Variants in DPP10 observed in about 807,000 individuals in gnomAD.
The protein encoded by DPP10 is inactive dipeptidyl peptidase 10.
DPP10 carries 33 observed loss-of-function variants against 120.9 expected under a neutral mutation model. The ratio of observed to expected loss-of-function variants is 0.27; its 90% CI spans 0.21 to 0.37. The LOEUF (loss-of-function observed/expected upper bound fraction) is 0.37, where lower values mean the gene tolerates loss of function less well. DPP10 is among the 10% of genes least tolerant of loss of function. DPP10 has a pLI of 1.00. For missense variants in DPP10, 816 were observed against 942.8 expected (o/e 0.87, Z 1.76); for synonymous variants, 337 against 326.1 (o/e 1.03, Z -0.36).
intron 1 of DPP10, among the ~76,000 whole-genome samples, chr2:114,620,456 G>T (rs1038342585): frequency 2.6e-5 from 4 of 151,776 alleles, no homozygotes; most frequent in Non-Finnish European, 5.9e-5. Flanking sequence ...TAATTTTAAT[G>T]GACTGACATT....
intron 3 of DPP10, among the ~76,000 whole-genome samples, chr2:115,345,755 C>A (rs563608216): frequency 6.6e-6 from 1 of 152,238 alleles, no homozygotes; most frequent in Admixed American, 6.5e-5. Flanking sequence ...TAGTGAACTG[C>A]ATGCTAAATT....
chr2:114,771,393 C>A (rs1681233784), intron 1 of DPP10, among the ~76,000 whole-genome samples: 2 of 152,172 alleles, frequency 1.3e-5, no homozygotes, highest in Non-Finnish European at 2.9e-5. Flanking sequence ...ACCTGAACAT[C>A]CCTCGTTGTT....
At chr2:115,445,918 C>G (rs1369074778) in intron 3 of DPP10, among the ~76,000 whole-genome samples, 1 of 152,166 alleles carries the variant, frequency 6.6e-6, no homozygotes, top group Non-Finnish European at 1.5e-5. Context: ...GGCCCAGGAC[C>G]CCACTGCTCT....
chr2:114,511,469 G>C (rs933418737), intron 1 of DPP10, among the ~76,000 whole-genome samples: 1 of 152,112 alleles, frequency 6.6e-6, no homozygotes, highest in Non-Finnish European at 1.5e-5. Flanking sequence ...ATTTAAAAAC[G>C]GTTGGAAAGA....
intron 1 of DPP10, among the ~76,000 whole-genome samples, chr2:115,094,270 C>T (rs1170436658): frequency 6.6e-6 from 1 of 152,024 alleles, no homozygotes. Context: ...AGCAGCTGAC[C>T]TTTATTGTTA....
chr2:114,831,010 A>G (rs1687052111), intron 1 of DPP10, among the ~76,000 whole-genome samples: 2 of 142,826 alleles, frequency 1.4e-5, no homozygotes, highest in Non-Finnish European at 3.0e-5. Context: ...ATATTTAAAC[A>G]TCCATGCAAA....
At chr2:115,205,176 T>A (rs551239279) in intron 1 of DPP10, among the ~76,000 whole-genome samples, 1 of 152,200 alleles carries the variant, frequency 6.6e-6, no homozygotes, top group African/African-American at 2.4e-5. Context: ...AAGGCCAATG[T>A]CCAGAAGGGT....
chr2:115,103,410 G>A (rs904410369), intron 1 of DPP10, among the ~76,000 whole-genome samples: 2 of 151,960 alleles, frequency 1.3e-5, no homozygotes, highest in Admixed American at 6.6e-5. Flanking sequence ...GGATGGCCGC[G>A]ATCTCCTGAC....
In DPP10 at chr2:114,522,538, A is replaced by G. The variant is rs113086958; in HGVS notation, c.60+79700A>G. 4.6e-3 allele frequency among the ~76,000 whole-genome samples: 705 copies of G among 152,296 alleles called. 9 individuals are homozygous for G. Among genetic ancestry groups the G allele is most frequent in the African/African-American group, 0.016 (663 of 41,550 alleles). On this transcript the variant is annotated intron_variant, in intron 1 of 25. Transcript: ENST00000410059. The stretch of plus-strand genomic sequence containing the variant: ...GGGAATTATGATAATAGAAATATAA[A>G]TATTACAAATGTATTACTGCATCTT...
At chr2:115,698,986 A>G (rs570930224) in intron 7 of DPP10, among the ~76,000 whole-genome samples, 18 of 149,644 alleles carry the variant, frequency 1.2e-4, no homozygotes, top group African/African-American at 4.1e-4. Context: ...CTTCAAAAAA[A>G]TCAACTAAAT....
intron 3 of DPP10, among the ~76,000 whole-genome samples, chr2:115,467,544 T>G (rs922532069): frequency 2.0e-5 from 3 of 150,882 alleles, no homozygotes; most frequent in Non-Finnish European, 4.4e-5. Flanking sequence ...ACCATTGCAC[T>G]CCAGCCTAGG....
chr2:114,676,630 G>A (rs1310015852), intron 1 of DPP10, among the ~76,000 whole-genome samples: 4 of 151,996 alleles, frequency 2.6e-5, no homozygotes, highest in South Asian at 2.1e-4. Flanking sequence ...GTCAGATTCC[G>A]ATTCATATGA....
At chr2:115,782,267 G>A in intron 16 of DPP10, 85 bp from the exon 17 acceptor site, 1 of 1,190,560 alleles carries the variant, frequency 8.4e-7, no homozygotes, top group South Asian at 1.4e-5. Context: ...TTCCATTTGG[G>A]GGGAAAAAAC....
At chr2:115,374,385 C>G (rs1315226305) in intron 3 of DPP10, among the ~76,000 whole-genome samples, 1 of 152,204 alleles carries the variant, frequency 6.6e-6, no homozygotes, top group Non-Finnish European at 1.5e-5. Context: ...GCTGCTCTTC[C>G]CCTGTGGCTC....
At chr2:114,595,629 C>G (rs945603610) in intron 1 of DPP10, among the ~76,000 whole-genome samples, 1 of 152,066 alleles carries the variant, frequency 6.6e-6, no homozygotes. Flanking sequence ...CCCATATAGT[C>G]TGAGGTGGAG....
intron 5 of DPP10, among the ~76,000 whole-genome samples, chr2:115,584,976 C>A (rs2082203407): frequency 6.6e-6 from 1 of 152,096 alleles, no homozygotes; most frequent in Non-Finnish European, 1.5e-5. Context: ...CAGTTGTCAG[C>A]CTTAAAAACA....
At chr2:115,557,604 T>C (rs939315122) in intron 5 of DPP10, among the ~76,000 whole-genome samples, 1 of 152,208 alleles carries the variant, frequency 6.6e-6, no homozygotes, top group Non-Finnish European at 1.5e-5. Context: ...ATGTAAACTT[T>C]TGAGCTGACT....
chr2:115,184,135 C>T (rs1358727978), intron 1 of DPP10, among the ~76,000 whole-genome samples: 1 of 152,114 alleles, frequency 6.6e-6, no homozygotes, highest in Non-Finnish European at 1.5e-5. Flanking sequence ...TCAGTAAAAC[C>T]CAATGAGACC....
chr2:114,566,140 C>T (rs985815403), intron 1 of DPP10, among the ~76,000 whole-genome samples: 1 of 152,052 alleles, frequency 6.6e-6, no homozygotes, highest in African/African-American at 2.4e-5. Context: ...TTATCAGAAG[C>T]GTTTTTTCCT....
Sources: gnomAD v4.1 joint callset for allele counts (sites outside exome capture counted in the v4.1 genomes callset) on GRCh38, gnomAD v4.1.1 for gene constraint, MANE v1.5 for transcripts, NCBI Gene and HGNC (gene_info 2026-07-23, HGNC 2026-07-21) for gene names.